TOPBP1: variants seen among roughly 807,000 people sequenced by gnomAD.
TOPBP1 encodes the protein DNA topoisomerase 2-binding protein 1.
A neutral mutation model predicts 167.7 loss-of-function variants in TOPBP1; 28 were observed. The observed-to-expected ratio is 0.17, with a 90% CI of 0.12 to 0.23. The LOEUF (loss-of-function observed/expected upper bound fraction) is 0.23, where lower values mean the gene tolerates loss of function less well. TOPBP1 is among the 10% of genes least tolerant of loss of function. TOPBP1 has a pLI of 1.00. For missense variants in TOPBP1, 1,554 were observed against 1,809.6 expected (o/e 0.86, Z 2.56); for synonymous variants, 598 against 611.4 (o/e 0.98, Z 0.32).
intron 17 of TOPBP1, 140 bp downstream of exon 17, chr3:133,623,912 T>C: frequency 9.6e-7 from 1 of 1,040,044 alleles, no homozygotes; most frequent in Non-Finnish European, 1.3e-6. Context: ...GCCAAAGATC[T>C]GAAATGTGTA....
At position 133,610,588 on chromosome 3, in the gene TOPBP1, A is replaced by G. The variant is rs143238174; in HGVS notation, c.4173+416T>C. On this transcript the variant is annotated intron_variant, in intron 25 of 27. Coordinates refer to ENST00000260810, the MANE Select transcript of TOPBP1 (RefSeq NM_007027.4). ...TGATTTGTTGCCTAGACCTTTCATT[A>G]AAGGAAGTGCTAGTTTTCTCAAAGC... is the stretch of plus-strand genomic sequence containing the variant. Among the ~76,000 whole-genome samples, 796 of 152,008 alleles carry G rather than the reference A, an allele frequency of 5.2e-3. 8 individuals carry two copies. Among genetic ancestry groups the G allele is most frequent in the South Asian group, 0.024 (116 of 4,816 alleles).
chr3:133,618,175 C>T (rs772708742), intron 21 of TOPBP1, 38 bp downstream of exon 21: 2 of 1,542,362 alleles, frequency 1.3e-6, no homozygotes, highest in Non-Finnish European at 8.9e-7. Flanking sequence ...TCAACATGTA[C>T]TTAATACAAA....
intron 26 of TOPBP1, 44 bp downstream of exon 26, chr3:133,608,829 T>G: frequency 6.3e-7 from 1 of 1,581,398 alleles, no homozygotes; most frequent in Non-Finnish European, 8.6e-7. Context: ...CTTGGTTAGA[T>G]GATTATTCAT....
At chr3:133,615,401 C>T (rs1185426503) in intron 23 of TOPBP1, among the ~76,000 whole-genome samples, 1 of 152,134 alleles carries the variant, frequency 6.6e-6, no homozygotes, top group Non-Finnish European at 1.5e-5. Context: ...TGCTTGAGCC[C>T]AGGAGGCAGA....
At chr3:133,644,548 T>C (rs1032663251) in intron 10 of TOPBP1, among the ~76,000 whole-genome samples, 185 bp from the exon 11 acceptor site, 1 of 152,258 alleles carries the variant, frequency 6.6e-6, no homozygotes, top group African/African-American at 2.4e-5. Flanking sequence ...TCCTTATCAG[T>C]ATTACCATCA....
In TOPBP1 at chr3:133,653,367, G is replaced by A. The variant is rs1936365357; in HGVS notation, c.900C>T (p.Thr300=). The A allele has an allele frequency of 6.9e-6, 11 of 1,605,216 alleles. No homozygotes were observed. Among genetic ancestry groups the A allele is most frequent in the Non-Finnish European group, 8.5e-6 (10 of 1,177,086 alleles). ...AKTMPNSSTP[T]SQINTIDSRT... ...CACTATCAATTGTGTTGATCTGGCT[G>A]GTAGGAGTTGAAGAATTGGGCATAG... The change falls in exon 7 of 28, where the codon ACC becomes ACT. Residue 300 remains threonine (T), a synonymous_variant. Coordinates refer to ENST00000260810, the MANE Select transcript of TOPBP1 (RefSeq NM_007027.4).
chr3:133,607,287 T>A (rs1210431538), intron 27 of TOPBP1, among the ~76,000 whole-genome samples: 3 of 152,098 alleles, frequency 2.0e-5, no homozygotes, highest in Non-Finnish European at 2.9e-5. Flanking sequence ...GCTCAATCTG[T>A]ATATTATTGG....
chr3:133,661,245 C>G, intron 1 of TOPBP1, 111 bp from the exon 2 acceptor site: 1 of 730,188 alleles, frequency 1.4e-6, no homozygotes, highest in South Asian at 2.5e-5. Flanking sequence ...GACAGACATT[C>G]TGGCTCTGCC....
intron 22 of TOPBP1, 38 bp downstream of exon 22, chr3:133,617,122 A>C (rs750104353): frequency 2.6e-6 from 4 of 1,561,940 alleles, no homozygotes; most frequent in Non-Finnish European, 3.5e-6. Context: ...TAACAGCAGT[A>C]TGCAAAAGCT....
In TOPBP1 at chr3:133,601,084, G is replaced by T; in HGVS notation, c.*166C>A. ...ATTAAGAAACAGTTAATATTTCAGTGATTACAATTTCAGGTGTTCAAAACT... is the reference window on the plus strand; with the variant it reads ...ATTAAGAAACAGTTAATATTTCAGTTATTACAATTTCAGGTGTTCAAAACT... On this transcript the variant is annotated 3_prime_UTR_variant, in exon 28 of 28. Coordinates refer to ENST00000260810, the MANE Select transcript of TOPBP1 (RefSeq NM_007027.4). The T allele has an allele frequency of 2.0e-6, 1 of 499,720 alleles. No homozygotes were observed. Among genetic ancestry groups the T allele is most frequent in the Non-Finnish European group, 3.5e-6 (1 of 289,674 alleles). The allele number at this position is 499,720 out of a possible 1,614,324, so 31.0% of individuals were successfully genotyped here.
At chr3:133,656,951 G>A in intron 4 of TOPBP1, 94 bp from the exon 5 acceptor site, 5 of 1,133,012 alleles carry the variant, frequency 4.4e-6, no homozygotes, top group Non-Finnish European at 5.8e-6. Flanking sequence ...GCTGTTGACA[G>A]TTTGAATACA....
chr3:133,631,934 G>A (rs928002318), intron 14 of TOPBP1, among the ~76,000 whole-genome samples: 1 of 151,848 alleles, frequency 6.6e-6, no homozygotes. Flanking sequence ...CACTGCGCCT[G>A]GCTGATATCC....
In TOPBP1 at chr3:133,616,856, G is replaced by A. The variant is rs776736482; in HGVS notation, c.3829C>T (p.Pro1277Ser). Residue 1277 changes from proline (P) to serine (S), a missense_variant, in exon 23 of 28, where the codon CCT becomes TCT. Pro to Ser is a moderately conservative substitution (Grantham distance 74). Coordinates refer to ENST00000260810, the MANE Select transcript of TOPBP1 (RefSeq NM_007027.4). ...QYIFQLSSLN[P>S]QERIDYCHLI... is the part of the protein sequence containing the mutation. ...TGACAATAGTCAATACGTTCTTGAG[G>A]ATTCAGAGATGATAACTGAAATATG... 5.8e-6 allele frequency: 9 copies of A among 1,558,460 alleles called. No individual in the cohort carries two copies. The East Asian group carries it at 2.1e-4, about 36-fold the overall frequency.
intron 12 of TOPBP1, 28 bp downstream of exon 12, chr3:133,643,172 C>T (rs753408404): frequency 1.2e-5 from 18 of 1,535,686 alleles, no homozygotes; most frequent in African/African-American, 1.4e-5. Flanking sequence ...TACACCAATA[C>T]AACAGGTGCA....
chr3:133,638,882 C>T (rs996385165), intron 13 of TOPBP1, among the ~76,000 whole-genome samples: 1 of 152,204 alleles, frequency 6.6e-6, no homozygotes, highest in African/African-American at 2.4e-5. Context: ...TGCATGTTCA[C>T]TGCCTTTCTG....
chr3:133,661,231 T>A, intron 1 of TOPBP1, 97 bp from the exon 2 acceptor site: 1 of 843,944 alleles, frequency 1.2e-6, no homozygotes, highest in Non-Finnish European at 1.7e-6. Flanking sequence ...CAAGAATGCC[T>A]AAAGACAGAC....
At chr3:133,640,276 A>T in intron 12 of TOPBP1, 106 bp from the exon 13 acceptor site, 1 of 936,288 alleles carries the variant, frequency 1.1e-6, no homozygotes, top group Non-Finnish European at 1.6e-6. Flanking sequence ...TGTAAGTATA[A>T]AAAAAAATAC....
At chr3:133,608,821 T>C in intron 26 of TOPBP1, 52 bp downstream of exon 26, 1 of 1,577,964 alleles carries the variant, frequency 6.3e-7, no homozygotes, top group Non-Finnish European at 8.6e-7. Context: ...ATAGCAATCT[T>C]GGTTAGATGA....
chr3:133,606,184 C>T (rs2107767590), intron 27 of TOPBP1, among the ~76,000 whole-genome samples: 1 of 151,990 alleles, frequency 6.6e-6, no homozygotes, highest in South Asian at 2.1e-4. Context: ...TGAGACCTTG[C>T]CTCAAAATAA....
Sources: gnomAD v4.1 joint callset for allele counts (sites outside exome capture counted in the v4.1 genomes callset) on GRCh38, gnomAD v4.1.1 for gene constraint, MANE v1.5 for transcripts, NCBI Gene and HGNC (gene_info 2026-07-23, HGNC 2026-07-21) for gene names.